Variants in FSD1L observed in about 807,000 individuals in gnomAD.
The protein encoded by FSD1L is fibronectin type III and SPRY domain containing 1 like.
Under a neutral mutation model 71.6 loss-of-function variants are expected in FSD1L, and 45 were observed. The ratio of observed to expected loss-of-function variants is 0.63; its 90% confidence interval spans 0.49 to 0.81. The LOEUF (loss-of-function observed/expected upper bound fraction) is 0.81. Ranked by LOEUF, FSD1L falls within the 30% of genes least tolerant of loss-of-function variation. The pLI is 0.00. For synonymous variants in FSD1L, 197 were observed against 207.2 expected, an observed-to-expected ratio of 0.95 and a Z score of 0.42; for missense variants, 561 against 618.1, an observed-to-expected ratio of 0.91 and a Z score of 0.98.
At chr9:105,479,673 T>A (rs1038326667) in intron 6 of FSD1L, among the ~76,000 whole-genome samples, 17 of 152,234 alleles carry the variant, frequency 1.1e-4, no homozygotes, top group South Asian at 2.1e-4. Flanking sequence ...AAGGGAACTA[T>A]TTTGAATAAC....
At position 105,534,450 on chromosome 9, in the gene FSD1L, A is replaced by T. The variant is rs551119761; in HGVS notation, c.1026-43A>T. On this transcript the variant is annotated intron_variant, in intron 10 of 13. Transcript: ENST00000481272. ...TAGTTTTAGTTTATGAAACATTTACAGTATAAAATATTTGTTTTTCTTTTT... is the reference window on the plus strand; with the variant it reads ...TAGTTTTAGTTTATGAAACATTTACTGTATAAAATATTTGTTTTTCTTTTT... The T allele has an allele frequency of 3.5e-4, 344 of 992,074 alleles. 1 individual carries two copies. The African/African-American group carries it at 5.1e-3, about 15-fold the overall frequency. 61.5% of individuals were successfully genotyped at this position (992,074 alleles called of 1,614,324 possible). A position where few individuals can be genotyped will look rare whatever the true frequency, so the allele number is the denominator to read the frequency against.
rs1262682760 is a variant in FSD1L at position 105,550,414 on chromosome 9, ATT to A, written c.*3935_*3936del. 1.2e-4 allele frequency: 19 copies of A among 152,036 alleles called. No homozygotes were observed. The highest frequency in any genetic ancestry group is 1.2e-3 in the Admixed American group (19 of 15,250). 9.4% of individuals were successfully genotyped at this position (152,036 alleles called of 1,614,324 possible). ...GTATACAGATAACCACAAAGTTGTT[ATT>A]TTTAACCAAAATATACATTTCATAA... is the stretch of plus-strand genomic sequence containing the variant. On this transcript the variant is annotated 3_prime_UTR_variant, in exon 14 of 14. Coordinates refer to ENST00000481272, the MANE Select transcript of FSD1L (RefSeq NM_001145313.3).
In FSD1L at chr9:105,452,673, T is replaced by TGCCTGCCTG. The variant is rs1564073401; in HGVS notation, c.15+4438_15+4439insGCCTGCCTG. ...TGCCTGCCTGCCTGCCTGCCTGCCT[T>TGCCTGCCTG]CCTTCCTTCCTTCCTTCCTTCCTTC... is the stretch of plus-strand genomic sequence containing the variant. On this transcript the variant is annotated intron_variant, in intron 1 of 13. Transcript: ENST00000481272. 4.5e-3 allele frequency among the ~76,000 whole-genome samples: 357 copies of TGCCTGCCTG among 79,598 alleles called. 1 individual carries two copies. The highest frequency in any genetic ancestry group is 0.021 in the African/African-American group (325 of 15,412). The allele number at this position is 79,598 out of a possible 152,430, so 52.2% of individuals were successfully genotyped here. A position where few individuals can be genotyped will look rare whatever the true frequency, so the allele number is the denominator to read the frequency against.
intron 5 of FSD1L, among the ~76,000 whole-genome samples, chr9:105,476,342 T>A (rs1163999952): frequency 6.6e-6 from 1 of 152,222 alleles, no homozygotes; most frequent in Non-Finnish European, 1.5e-5. Flanking sequence ...TTAAACTAAA[T>A]CTTACAATTC....
intron 7 of FSD1L, 106 bp downstream of exon 7, chr9:105,484,608 AT>A (rs55646784): frequency 1.6e-4 from 103 of 633,630 alleles, no homozygotes; most frequent in Middle Eastern, 3.6e-4. Flanking sequence ...GTATAGTGTG[AT>A]TTTTTTTTCA....
intron 10 of FSD1L, among the ~76,000 whole-genome samples, chr9:105,516,830 G>A (rs567073101): frequency 6.6e-6 from 1 of 152,144 alleles, no homozygotes; most frequent in Non-Finnish European, 1.5e-5. Flanking sequence ...TGAGTTTGAC[G>A]AATTGACAGA....
At chr9:105,529,702 G>T in intron 10 of FSD1L, among the ~76,000 whole-genome samples, 1 of 151,772 alleles carries the variant, frequency 6.6e-6, no homozygotes, top group Middle Eastern at 3.2e-3. Context: ...AAACCACCAT[G>T]ACACATGTAT....
chr9:105,522,126 A>C (rs1478715219), intron 10 of FSD1L: 3 of 1,613,830 alleles, frequency 1.9e-6, no homozygotes, highest in Non-Finnish European at 1.7e-6. Context: ...CCAGACCCTT[A>C]TAGTTGCCTG....
intron 7 of FSD1L, among the ~76,000 whole-genome samples, chr9:105,485,451 A>G (rs1588983375): frequency 6.6e-6 from 1 of 150,636 alleles, no homozygotes. Flanking sequence ...ACTTCCCAAC[A>G]CTGCCATATT....
At position 105,535,459 on chromosome 9, in the gene FSD1L, T is replaced by C. The variant is rs77628258; in HGVS notation, c.1378+141T>C. On this transcript the variant is annotated intron_variant, in intron 12 of 13. Transcript: ENST00000481272. ...GGTAGGCTTTTGATTGCAATCATAA[T>C]CTCAATTCTAGAATTGACTGGAATG... 4,214 of 867,696 alleles carry C rather than the reference T, an allele frequency of 4.9e-3. 131 individuals carry two copies. In the African/African-American group the frequency reaches 0.065, roughly 13 times the overall value. 53.7% of individuals were successfully genotyped at this position (867,696 alleles called of 1,614,324 possible). A position where few individuals can be genotyped will look rare whatever the true frequency, so the allele number is the denominator to read the frequency against.
chr9:105,448,142 T>C lies in FSD1L; in HGVS notation c.-79T>C. The C allele has an allele frequency of 7.0e-7, 1 of 1,430,162 alleles. No individual in the cohort carries two copies. The highest frequency in any genetic ancestry group is 1.2e-5 in the South Asian group (1 of 81,604). 88.6% of individuals were successfully genotyped at this position (1,430,162 alleles called of 1,614,324 possible). A position where few individuals can be genotyped will look rare whatever the true frequency, so the allele number is the denominator to read the frequency against. Reference sequence around the variant, plus strand: ...TGGGGCAGTGCAGTGAGTAGCGGTCTTGGGGTGTGCGATCTCGCTGAGCCT... The same window carrying C: ...TGGGGCAGTGCAGTGAGTAGCGGTCCTGGGGTGTGCGATCTCGCTGAGCCT... On this transcript the variant is annotated 5_prime_UTR_variant, in exon 1 of 14. Transcript: ENST00000481272.
At chr9:105,468,377 G>A in intron 4 of FSD1L, 53 bp downstream of exon 4, 7 of 1,354,432 alleles carry the variant, frequency 5.2e-6, no homozygotes, top group Non-Finnish European at 6.8e-6. Flanking sequence ...TTTAATCCTT[G>A]ATTTATGATA....
chr9:105,513,672 T>C (rs1215218419), intron 10 of FSD1L: 16 of 1,463,134 alleles, frequency 1.1e-5, no homozygotes, highest in Non-Finnish European at 1.5e-5. Flanking sequence ...CTTAGTAAAA[T>C]CTAGCTTGGC....
chr9:105,542,038 GT>G (rs1836656976), intron 13 of FSD1L, among the ~76,000 whole-genome samples: 1 of 152,130 alleles, frequency 6.6e-6, no homozygotes, highest in South Asian at 2.1e-4. Context: ...AGACACTTGG[GT>G]TTTTCCCAGT....
Position 105,508,676 on chromosome 9 carries a change from G to A in FSD1L, c.856G>A (p.Ala286Thr), listed in dbSNP as rs1834215471. The change falls in exon 9 of 14, where the codon GCT (alanine) becomes ACT (threonine). Residue 286 changes from alanine to threonine, a missense_variant. Transcript: ENST00000481272. ...AGTGCGAGCTTGTAACAAGGCTGTG[G>A]CTGGAGAGTATTCTGATCCAGTGAC... The part of the protein sequence containing the change: ...FRVRACNKAV[A>T]GEYSDPVTLE... The A allele has an allele frequency of 1.3e-6, 2 of 1,551,252 alleles. No individual in the cohort carries two copies. The highest frequency in any genetic ancestry group is 3.9e-5 in the Admixed American group (2 of 50,978).
intron 7 of FSD1L, among the ~76,000 whole-genome samples, chr9:105,490,955 G>A (rs1832895719): frequency 6.7e-6 from 1 of 148,712 alleles, no homozygotes; most frequent in East Asian, 2.0e-4. Flanking sequence ...CTCCAGCTTT[G>A]TTCTTTTGGC....
chr9:105,450,619 C>T (rs1182356576), intron 1 of FSD1L, among the ~76,000 whole-genome samples: 2 of 151,672 alleles, frequency 1.3e-5, no homozygotes, highest in Non-Finnish European at 2.9e-5. Context: ...CTGCAACCTC[C>T]GCCTCCTGGG....
chr9:105,447,390 A>C (rs1003554122), upstream of FSD1L, among the ~76,000 whole-genome samples: 1 of 151,376 alleles, frequency 6.6e-6, no homozygotes, highest in African/African-American at 2.4e-5. Context: ...TATGTACCAT[A>C]CGTTATTTAA....
chr9:105,513,144 TC>T (rs989603009), intron 10 of FSD1L, among the ~76,000 whole-genome samples: 2 of 152,152 alleles, frequency 1.3e-5, no homozygotes, highest in Admixed American at 1.3e-4. Context: ...TCATCCCTAA[TC>T]CTCTTACACA....
Sources: gnomAD v4.1 joint callset for allele counts (sites outside exome capture counted in the v4.1 genomes callset) on GRCh38, gnomAD v4.1.1 for gene constraint, MANE v1.5 for transcripts, NCBI Gene and HGNC (gene_info 2026-07-23, HGNC 2026-07-21) for gene names.